Variants in BAIAP2L1 observed in about 807,000 individuals in gnomAD.
BAIAP2L1 encodes BAR/IMD domain-containing adapter protein 2-like 1.
A neutral mutation model predicts 66.3 loss-of-function variants in BAIAP2L1; 35 were observed. The ratio of observed to expected loss-of-function variants is 0.53; its 90% CI spans 0.40 to 0.70. BAIAP2L1 has a LOEUF of 0.70. Ranked by LOEUF, BAIAP2L1 falls within the 30% of genes least tolerant of loss-of-function variation. The pLI is 0.00. For synonymous variants in BAIAP2L1, 269 were observed against 248.7 expected, an observed-to-expected ratio of 1.08 and a Z score of -0.77; for missense variants, 622 against 656.9, an observed-to-expected ratio of 0.95 and a Z score of 0.58.
intron 1 of BAIAP2L1, among the ~76,000 whole-genome samples, chr7:98,390,532 T>A (rs917128415): frequency 1.3e-5 from 2 of 151,618 alleles, no homozygotes; most frequent in Non-Finnish European, 2.9e-5. Flanking sequence ...ATCGAGACCA[T>A]CTTGGCTAAC....
intron 3 of BAIAP2L1, among the ~76,000 whole-genome samples, chr7:98,345,392 G>C (rs1207933649): frequency 2.0e-5 from 3 of 151,996 alleles, no homozygotes; most frequent in Non-Finnish European, 2.9e-5. Context: ...GATCTGAACA[G>C]ACATTTCTCC....
chr7:98,387,464 G>T (rs1241906225), intron 1 of BAIAP2L1, among the ~76,000 whole-genome samples: 3 of 152,196 alleles, frequency 2.0e-5, no homozygotes, highest in African/African-American at 7.2e-5. Context: ...CAAAGAGTTG[G>T]TGATGATTTC....
chr7:98,381,632 C>T (rs992178480), intron 1 of BAIAP2L1, among the ~76,000 whole-genome samples: 15 of 152,134 alleles, frequency 9.9e-5, no homozygotes, highest in African/African-American at 2.2e-4. Flanking sequence ...AGACATGCAC[C>T]GCTGCTTCTT....
intron 1 of BAIAP2L1, among the ~76,000 whole-genome samples, chr7:98,382,542 G>A (rs556556142): frequency 7.2e-5 from 11 of 152,138 alleles, no homozygotes; most frequent in South Asian, 2.1e-4. Flanking sequence ...ACTAGACAAA[G>A]GTTTTACATT....
At chr7:98,328,426 T>C (rs1227153690) in intron 3 of BAIAP2L1, among the ~76,000 whole-genome samples, 1 of 152,220 alleles carries the variant, frequency 6.6e-6, no homozygotes, top group African/African-American at 2.4e-5. Context: ...CTTTCTGCAG[T>C]ATCTCTTGGA....
intron 1 of BAIAP2L1, among the ~76,000 whole-genome samples, chr7:98,366,078 T>G (rs907338882): frequency 6.6e-5 from 10 of 152,216 alleles, no homozygotes; most frequent in African/African-American, 2.4e-4. Context: ...CACTCTACAG[T>G]CATCAGGGGC....
At position 98,362,575 on chromosome 7, in the gene BAIAP2L1, T is replaced by C. The variant is rs1043925103; in HGVS notation, c.52-143A>G. Reference sequence around the variant, plus strand: ...GTAATGAATGCTGATGTAAAAATAATGAAGCACACCTATTCCCTTACCTGA... The same window carrying C: ...GTAATGAATGCTGATGTAAAAATAACGAAGCACACCTATTCCCTTACCTGA... On this transcript the variant is annotated intron_variant, in intron 1 of 13. Transcript: ENST00000005260. The C allele has an allele frequency of 3.3e-5, 22 of 672,652 alleles. No individual in the cohort carries two copies. In the African/African-American group the frequency reaches 3.5e-4, roughly 11 times the overall value. The allele number at this position is 672,652 out of a possible 1,614,324, so 41.7% of individuals were successfully genotyped here.
At chr7:98,363,655 C>T (rs1010329776) in intron 1 of BAIAP2L1, among the ~76,000 whole-genome samples, 24 of 152,072 alleles carry the variant, frequency 1.6e-4, no homozygotes, top group African/African-American at 2.2e-4. Flanking sequence ...CAACACGTGG[C>T]GATTGTTATG....
chr7:98,364,020 T>TTC (rs1802334169), intron 1 of BAIAP2L1, among the ~76,000 whole-genome samples: 1 of 148,840 alleles, frequency 6.7e-6, no homozygotes, highest in Non-Finnish European at 1.5e-5. Context: ...TGAATATTCT[T>TTC]TTTTTTTTTA....
chr7:98,366,471 CT>C (rs1312704679), intron 1 of BAIAP2L1, among the ~76,000 whole-genome samples: 2 of 152,182 alleles, frequency 1.3e-5, no homozygotes, highest in Non-Finnish European at 2.9e-5. Context: ...CATCAGACTC[CT>C]TTCCCCAGGT....
intron 1 of BAIAP2L1, among the ~76,000 whole-genome samples, chr7:98,366,000 C>T (rs936433503): frequency 5.3e-5 from 8 of 152,140 alleles, no homozygotes; most frequent in African/African-American, 9.7e-5. Context: ...CCGTCACTGC[C>T]GGCTGGAAGC....
At chr7:98,389,001 C>T (rs1174822585) in intron 1 of BAIAP2L1, among the ~76,000 whole-genome samples, 1 of 151,372 alleles carries the variant, frequency 6.6e-6, no homozygotes, top group Non-Finnish European at 1.5e-5. Context: ...ACAAACCATT[C>T]AAGTTTTATC....
At chr7:98,294,523 G>A (rs942384622) in intron 12 of BAIAP2L1, among the ~76,000 whole-genome samples, 1 of 152,170 alleles carries the variant, frequency 6.6e-6, no homozygotes, top group Non-Finnish European at 1.5e-5. Flanking sequence ...ACATGTGAAC[G>A]AGCCGCCTGC....
At chr7:98,373,627 G>T (rs1802559580) in intron 1 of BAIAP2L1, among the ~76,000 whole-genome samples, 1 of 152,078 alleles carries the variant, frequency 6.6e-6, no homozygotes, top group African/African-American at 2.4e-5. Context: ...GCTCATGAGG[G>T]GCATGAGGAT....
At chr7:98,300,185 GAC>G (rs1246515101) in intron 12 of BAIAP2L1, among the ~76,000 whole-genome samples, 4 of 152,324 alleles carry the variant, frequency 2.6e-5, no homozygotes, top group African/African-American at 7.2e-5. Flanking sequence ...GCTCGTCTCT[GAC>G]ACACACATGC....
At chr7:98,396,254 A>G (rs547581022) in intron 1 of BAIAP2L1, among the ~76,000 whole-genome samples, 1 of 152,044 alleles carries the variant, frequency 6.6e-6, no homozygotes, top group Non-Finnish European at 1.5e-5. Context: ...ATCTTTGTAG[A>G]GGTAGGGTCT....
At chr7:98,352,107 T>A (rs1622102) in intron 3 of BAIAP2L1, among the ~76,000 whole-genome samples, 1 of 151,474 alleles carries the variant, frequency 6.6e-6, no homozygotes, top group African/African-American at 2.4e-5. Context: ...GAATTGTCCA[T>A]GACTCTTCCA....
chr7:98,298,188 G>A lies in BAIAP2L1; in HGVS notation c.1423-4077C>T, dbSNP rs1276811759. Among the ~76,000 whole-genome samples the A allele has an allele frequency of 5.3e-5, 8 of 152,230 alleles. No homozygotes were observed. In the East Asian group the frequency reaches 7.7e-4, roughly 15 times the overall value. ...CTCAGATCGTCTAATAAGACGCGCC[G>A]TCACAGGACAGCTGTGGGGCTTCCC... On this transcript the variant is annotated intron_variant, in intron 12 of 13. Coordinates refer to ENST00000005260, the MANE Select transcript of BAIAP2L1 (RefSeq NM_018842.5).
chr7:98,372,319 T>C (rs2115767953), intron 1 of BAIAP2L1, among the ~76,000 whole-genome samples: 1 of 152,078 alleles, frequency 6.6e-6, no homozygotes, highest in East Asian at 2.0e-4. Context: ...GGCAGGAGAA[T>C]TGCTTGAATC....
Sources: gnomAD v4.1 joint callset for allele counts (sites outside exome capture counted in the v4.1 genomes callset) on GRCh38, gnomAD v4.1.1 for gene constraint, MANE v1.5 for transcripts, NCBI Gene and HGNC (gene_info 2026-07-23, HGNC 2026-07-21) for gene names.